The following NRXN3 variants were observed in gnomAD, a reference collection of about 807,000 sequenced individuals.
NRXN3 encodes neurexin III.
In NRXN3, 32 loss-of-function variants were observed where a neutral mutation model predicts 137.6. The ratio of observed to expected loss-of-function variants is 0.23; its 90% CI spans 0.18 to 0.31. NRXN3 has a LOEUF of 0.31. Among genes scored for constraint, NRXN3 ranks in the 10% least tolerant of loss-of-function variants. NRXN3 has a pLI of 1.00. For missense variants in NRXN3, 1,574 were observed against 2,062.5 expected, an observed-to-expected ratio of 0.76 and a Z score of 4.59; for synonymous variants, 798 against 784.5, an observed-to-expected ratio of 1.02 and a Z score of -0.29.
intron 19 of NRXN3, 122 bp downstream of exon 19, chr14:79,698,059 A>C (rs1234619692): frequency 2.3e-6 from 2 of 879,506 alleles, no homozygotes; most frequent in Non-Finnish European, 3.4e-6. Context: ...GCTGGCAGAT[A>C]CTCATAGTAA....
chr14:79,363,499 T>C (rs187713888), intron 15 of NRXN3, among the ~76,000 whole-genome samples: 138 of 152,084 alleles, frequency 9.1e-4, no homozygotes, highest in African/African-American at 3.1e-3. Flanking sequence ...CAAACAGCCA[T>C]GTACGTAGGA....
intron 15 of NRXN3, among the ~76,000 whole-genome samples, chr14:79,352,906 C>T (rs906979952): frequency 1.4e-4 from 21 of 152,092 alleles, no homozygotes; most frequent in African/African-American, 5.1e-4. Flanking sequence ...AACTTGTAAA[C>T]TTCCTCTGAA....
At chr14:79,210,000 A>G (rs1031246637) in intron 15 of NRXN3, among the ~76,000 whole-genome samples, 1 of 152,202 alleles carries the variant, frequency 6.6e-6, no homozygotes. Flanking sequence ...TCATTTGGTT[A>G]TAAGCGTAAG....
intron 4 of NRXN3, chr14:78,403,670 C>A: frequency 6.1e-6 from 6 of 977,864 alleles, no homozygotes; most frequent in Non-Finnish European, 7.3e-6. Flanking sequence ...ATCACGAACA[C>A]CGAGGGCGGT....
At position 78,846,209 on chromosome 14, in the gene NRXN3, G is replaced by T. The variant is rs116399898; in HGVS notation, c.2275+35865G>T. Among the ~76,000 whole-genome samples, 348 of 152,124 alleles carry T rather than the reference G, an allele frequency of 2.3e-3. 2 individuals carry two copies. Among genetic ancestry groups the T allele is most frequent in the African/African-American group, 8.1e-3 (338 of 41,520 alleles). On this transcript the variant is annotated intron_variant, in intron 10 of 20. Transcript: ENST00000335750. ...GCTAACATGATTTTAGATGTCAATT[G>T]TGTCCTCTCTGTGAATGTTTTCCAT...
intron 15 of NRXN3, among the ~76,000 whole-genome samples, chr14:79,359,713 G>A (rs191409555): frequency 0.013 from 1,924 of 151,806 alleles, 14 homozygotes; most frequent in Non-Finnish European, 0.019. Flanking sequence ...TGGGATTACC[G>A]GTGTGTGCCA....
At chr14:79,057,171 C>G (rs1323995562) in intron 15 of NRXN3, among the ~76,000 whole-genome samples, 1 of 152,208 alleles carries the variant, frequency 6.6e-6, no homozygotes, top group Non-Finnish European at 1.5e-5. Context: ...AGGATTCATG[C>G]TGCTATAAGT....
chr14:78,966,544 A>C, intron 12 of NRXN3, 138 bp downstream of exon 12: 1 of 899,414 alleles, frequency 1.1e-6, no homozygotes, highest in Non-Finnish European at 1.7e-6. Context: ...TTCCTTGATT[A>C]AATGGATCCA....
chr14:79,611,560 A>T (rs957590984), intron 16 of NRXN3: 1 of 152,374 alleles, frequency 6.6e-6, no homozygotes, highest in Admixed American at 6.5e-5. Context: ...AGATCATGCC[A>T]CTGCACTCCA....
chr14:79,120,661 C>A (rs961781921), intron 15 of NRXN3, among the ~76,000 whole-genome samples: 3 of 152,028 alleles, frequency 2.0e-5, no homozygotes, highest in Admixed American at 6.6e-5. Flanking sequence ...TCCTCACTAT[C>A]CTTTTTAAAT....
chr14:79,062,796 A>C (rs895116612), intron 15 of NRXN3, among the ~76,000 whole-genome samples: 2 of 152,114 alleles, frequency 1.3e-5, no homozygotes, highest in Non-Finnish European at 2.9e-5. Flanking sequence ...CTCATTCTCT[A>C]TTCAATTTTG....
intron 4 of NRXN3, among the ~76,000 whole-genome samples, chr14:78,548,402 T>G (rs1033186241): frequency 2.2e-4 from 33 of 152,206 alleles, no homozygotes; most frequent in Non-Finnish European, 3.5e-4. Context: ...GATAAAAGCT[T>G]CTTAGGACGG....
rs78665058 is a variant in NRXN3, at chr14:79,463,912, A to C, written c.3263-3309A>C. On this transcript the variant is annotated intron_variant, in intron 15 of 20. Coordinates refer to ENST00000335750, the MANE Select transcript of NRXN3 (RefSeq NM_001330195.2). ...GGATTTTCCCAAGAAGTTGATTTGT[A>C]ATCCACATTTTAAAGTAACACAATT... Among the ~76,000 whole-genome samples, 436 of 152,274 alleles carry C rather than the reference A, an allele frequency of 2.9e-3. 8 individuals are homozygous for C. The East Asian group carries it at 0.045, about 16-fold the overall frequency.
At chr14:78,572,599 A>C (rs2096900042) in intron 4 of NRXN3, among the ~76,000 whole-genome samples, 1 of 152,224 alleles carries the variant, frequency 6.6e-6, no homozygotes. Context: ...TGGAAGAAGA[A>C]GAATTGTCTT....
chr14:78,912,500 A>G (rs1225436451), intron 10 of NRXN3, among the ~76,000 whole-genome samples: 1 of 151,920 alleles, frequency 6.6e-6, no homozygotes, highest in Non-Finnish European at 1.5e-5. Flanking sequence ...CCTACAATGA[A>G]CTGCTTAGTT....
chr14:78,832,215 T>G (rs1313272265), intron 10 of NRXN3, among the ~76,000 whole-genome samples: 3 of 151,554 alleles, frequency 2.0e-5, no homozygotes, highest in Non-Finnish European at 4.4e-5. Flanking sequence ...TGCATATACT[T>G]AAACCTGCCA....
At chr14:79,326,464 C>T (rs183522080) in intron 15 of NRXN3, among the ~76,000 whole-genome samples, 2 of 152,296 alleles carry the variant, frequency 1.3e-5, no homozygotes, top group African/African-American at 4.8e-5. Context: ...AATTCAGAGA[C>T]ATCTCACCGC....
In NRXN3 at chr14:78,425,345, G is replaced by C. The variant is rs140130590; in HGVS notation, c.757+127485G>C. On this transcript the variant is annotated intron_variant, in intron 4 of 20. Transcript: ENST00000335750. ...AGAAATGTTTCTAGATTTTAGCTGA[G>C]GTCCTGTGGCATCTTAGAGTATTGT... Among the ~76,000 whole-genome samples the C allele has an allele frequency of 1.5e-3, 230 of 152,316 alleles. 2 individuals carry two copies. The Middle Eastern group carries it at 0.024, about 16-fold the overall frequency.
chr14:79,640,275 G>T lies in NRXN3; in HGVS notation c.3445-23503G>T, dbSNP rs1304784527. Among the ~76,000 whole-genome samples, 2 of 135,070 alleles carry T rather than the reference G, an allele frequency of 1.5e-5. 1 individual carries two copies. The highest frequency in any genetic ancestry group is 3.4e-5 in the Non-Finnish European group (2 of 58,052). 88.6% of individuals were successfully genotyped at this position (135,070 alleles called of 152,430 possible). ...CAGATTGTTAGGATTGCTTGTATGT[G>T]GTTTTAAATGAATGAAGCTGTTTCT... On this transcript the variant is annotated intron_variant, in intron 16 of 20. Coordinates refer to ENST00000335750, the MANE Select transcript of NRXN3 (RefSeq NM_001330195.2).
Sources: allele counts gnomAD v4.1 joint callset (sites outside exome capture counted in the v4.1 genomes callset), GRCh38; gene constraint gnomAD v4.1.1; transcripts MANE v1.5; gene names NCBI Gene and HGNC (gene_info 2026-07-23, HGNC 2026-07-21).